Variants in SH3GL2 observed in about 807,000 individuals in gnomAD.
The protein encoded by SH3GL2 is endophilin-A1.
Under a neutral mutation model 46.0 loss-of-function variants are expected in SH3GL2, and 24 were observed. That is an observed-to-expected ratio of 0.52 (90% confidence interval 0.38 to 0.73). SH3GL2 has a LOEUF of 0.73. Among genes scored for constraint, SH3GL2 ranks in the 30% least tolerant of loss-of-function variants. SH3GL2 has a pLI of 0.00. For missense variants in SH3GL2, 413 were observed against 424.2 expected (o/e 0.97, Z 0.23); for synonymous variants, 196 against 147.1 (o/e 1.33, Z -2.40).
chr9:17,602,018 G>A (rs1229127661), intron 1 of SH3GL2, among the ~76,000 whole-genome samples: 1 of 152,168 alleles, frequency 6.6e-6, no homozygotes, highest in East Asian at 1.9e-4. Flanking sequence ...AAGCCTTCTG[G>A]TTGAACTTCA....
At chr9:17,581,636 T>C (rs1289318018) in intron 1 of SH3GL2, among the ~76,000 whole-genome samples, 1 of 152,216 alleles carries the variant, frequency 6.6e-6, no homozygotes, top group African/African-American at 2.4e-5. Context: ...GCTTTAGACC[T>C]AGAATTACTT....
At chr9:17,599,961 A>T (rs946813142) in intron 1 of SH3GL2, among the ~76,000 whole-genome samples, 1 of 151,438 alleles carries the variant, frequency 6.6e-6, no homozygotes, top group African/African-American at 2.4e-5. Flanking sequence ...TTCTAATCTG[A>T]ACAGTTATTT....
chr9:17,608,056 G>C (rs928882370), intron 1 of SH3GL2, among the ~76,000 whole-genome samples: 2 of 151,854 alleles, frequency 1.3e-5, no homozygotes, highest in African/African-American at 4.8e-5. Flanking sequence ...TGTTTGGGGG[G>C]CTGTTTTGCA....
At chr9:17,691,368 G>A (rs992439391) in intron 1 of SH3GL2, among the ~76,000 whole-genome samples, 1 of 152,058 alleles carries the variant, frequency 6.6e-6, no homozygotes, top group African/African-American at 2.4e-5. Context: ...GATGTGTTTT[G>A]TGTGTCTCTT....
intron 3 of SH3GL2, among the ~76,000 whole-genome samples, chr9:17,769,896 A>G (rs1357139474): frequency 6.6e-6 from 1 of 152,172 alleles, no homozygotes; most frequent in Non-Finnish European, 1.5e-5. Context: ...CTTCCAGTAT[A>G]TTGTAAACAT....
intron 1 of SH3GL2, among the ~76,000 whole-genome samples, chr9:17,674,864 C>T (rs568774121): frequency 6.6e-6 from 1 of 152,022 alleles, no homozygotes; most frequent in African/African-American, 2.4e-5. Context: ...CTTTAGAGGC[C>T]CAGGCCCGGG....
In SH3GL2 at chr9:17,786,728, C is replaced by T. The variant is rs142729619; in HGVS notation, c.331+204C>T. 9.2e-5 allele frequency among the ~76,000 whole-genome samples: 14 copies of T among 152,176 alleles called. No individual in the cohort carries two copies. The East Asian group carries it at 2.7e-3, about 29-fold the overall frequency. ...TATCTTACAAGTTTTCTTCCCACCC[C>T]CCCCACTATAAGACCTCAGTCTTTA... On this transcript the variant is annotated intron_variant, in intron 4 of 8. Transcript: ENST00000380607.
chr9:17,760,438 A>G (rs1823137470), intron 2 of SH3GL2, among the ~76,000 whole-genome samples: 1 of 151,908 alleles, frequency 6.6e-6, no homozygotes, highest in African/African-American at 2.4e-5. Context: ...TATATTATAT[A>G]CCGGTATATA....
intron 1 of SH3GL2, among the ~76,000 whole-genome samples, chr9:17,634,576 A>G (rs1819501677): frequency 6.6e-6 from 1 of 152,104 alleles, no homozygotes; most frequent in Admixed American, 6.5e-5. Flanking sequence ...TCTACTACTA[A>G]ATTTTTTGAC....
At chr9:17,636,939 T>C (rs1475591002) in intron 1 of SH3GL2, among the ~76,000 whole-genome samples, 1 of 152,186 alleles carries the variant, frequency 6.6e-6, no homozygotes, top group Non-Finnish European at 1.5e-5. Flanking sequence ...AGTCCCTTCA[T>C]GTGTGATGTG....
chr9:17,752,565 A>T (rs971006381), intron 2 of SH3GL2, among the ~76,000 whole-genome samples: 3 of 152,072 alleles, frequency 2.0e-5, no homozygotes, highest in African/African-American at 7.2e-5. Flanking sequence ...TAGCTCAGTC[A>T]TAGCTCACTA....
chr9:17,664,981 T>G (rs551056018), intron 1 of SH3GL2, among the ~76,000 whole-genome samples: 9 of 152,282 alleles, frequency 5.9e-5, no homozygotes, highest in African/African-American at 1.9e-4. Flanking sequence ...AATTTTAAAA[T>G]GATGTCAAAC....
chr9:17,627,530 A>G (rs572454964), intron 1 of SH3GL2, among the ~76,000 whole-genome samples: 5 of 152,356 alleles, frequency 3.3e-5, no homozygotes, highest in South Asian at 2.1e-4. Flanking sequence ...AAAATCACAA[A>G]CAATAAAGTA....
intron 2 of SH3GL2, among the ~76,000 whole-genome samples, 182 bp downstream of exon 2, chr9:17,747,316 C>T (rs1022623453): frequency 6.6e-6 from 1 of 152,100 alleles, no homozygotes; most frequent in South Asian, 2.1e-4. Context: ...TTCTGTCTTC[C>T]CTTTGTACTG....
At chr9:17,667,167 GC>G (rs1820364602) in intron 1 of SH3GL2, among the ~76,000 whole-genome samples, 1 of 152,076 alleles carries the variant, frequency 6.6e-6, no homozygotes, top group Admixed American at 6.6e-5. Context: ...ACATGTTGCA[GC>G]AAATACTTTT....
intron 2 of SH3GL2, among the ~76,000 whole-genome samples, chr9:17,759,568 T>G (rs1823109156): frequency 6.6e-6 from 1 of 152,186 alleles, no homozygotes; most frequent in Non-Finnish European, 1.5e-5. Flanking sequence ...ATCTGTTTTC[T>G]CATATACATT....
chr9:17,656,897 C>G (rs949346628), intron 1 of SH3GL2, among the ~76,000 whole-genome samples: 3 of 150,950 alleles, frequency 2.0e-5, no homozygotes, highest in Non-Finnish European at 4.4e-5. Flanking sequence ...TCCAGAAACA[C>G]TTAAGAAGTT....
At chr9:17,719,642 A>T (rs78290379) in intron 1 of SH3GL2, among the ~76,000 whole-genome samples, 1 of 151,952 alleles carries the variant, frequency 6.6e-6, no homozygotes, top group Non-Finnish European at 1.5e-5. Context: ...AATAAAAAAA[A>T]TTTATCTTGG....
intron 3 of SH3GL2, among the ~76,000 whole-genome samples, chr9:17,779,049 C>G (rs1392253665): frequency 6.6e-6 from 1 of 152,040 alleles, no homozygotes; most frequent in East Asian, 1.9e-4. Flanking sequence ...TGCAGAGATA[C>G]ATGAGAATCA....
Sources: gnomAD v4.1 joint callset for allele counts (sites outside exome capture counted in the v4.1 genomes callset) on GRCh38, gnomAD v4.1.1 for gene constraint, MANE v1.5 for transcripts, NCBI Gene and HGNC (gene_info 2026-07-23, HGNC 2026-07-21) for gene names.